SGCD: variants seen among roughly 807,000 people sequenced by gnomAD.
SGCD encodes the protein delta-sarcoglycan.
A neutral mutation model predicts 36.6 loss-of-function variants in SGCD; 18 were observed. That is an observed-to-expected ratio of 0.49 (90% CI 0.34 to 0.73). SGCD has a LOEUF of 0.73. SGCD is among the 30% of genes least tolerant of loss of function. The pLI is 0.01. For missense variants in SGCD, 387 were observed against 346.7 expected (o/e 1.12, Z -0.92); for synonymous variants, 133 against 130.6 (o/e 1.02, Z -0.12).
chr5:155,992,014 C>T (rs1046777456), intron 1 of SGCD, among the ~76,000 whole-genome samples: 6 of 152,162 alleles, frequency 3.9e-5, no homozygotes, highest in Non-Finnish European at 4.4e-5. Flanking sequence ...CACTTTTCTT[C>T]CTCCCTTATG....
chr5:156,717,283 A>G (rs989335603), intron 7 of SGCD, among the ~76,000 whole-genome samples: 1 of 152,166 alleles, frequency 6.6e-6, no homozygotes, highest in African/African-American at 2.4e-5. Context: ...CTTGGAGATA[A>G]GATCTAGCTT....
chr5:155,766,389 G>T, the SGCD span, among the ~76,000 whole-genome samples: 1 of 152,126 alleles, frequency 6.6e-6, no homozygotes, highest in African/African-American at 2.4e-5. Flanking sequence ...GTAGCTGGGG[G>T]TGTGTTGGAG....
chr5:156,365,917 TAC>T (rs1770076149), intron 3 of SGCD, among the ~76,000 whole-genome samples: 1 of 146,382 alleles, frequency 6.8e-6, no homozygotes, highest in Non-Finnish European at 1.5e-5. Context: ...TACACATATA[TAC>T]ATGTAAATGT....
chr5:156,063,368 G>C (rs1760281552), intron 1 of SGCD, among the ~76,000 whole-genome samples: 1 of 35,982 alleles, frequency 2.8e-5, no homozygotes, highest in African/African-American at 1.9e-4. Context: ...CAGGTAGTGT[G>C]ATGCCTCCAG....
intron 1 of SGCD, among the ~76,000 whole-genome samples, chr5:156,039,799 C>T (rs1033720809): frequency 7.2e-5 from 11 of 152,060 alleles, no homozygotes; most frequent in Non-Finnish European, 1.5e-4. Context: ...AGTAACATAT[C>T]GTGGGAGATG....
chr5:156,455,728 T>G (rs1266017395), intron 3 of SGCD, among the ~76,000 whole-genome samples: 1 of 152,326 alleles, frequency 6.6e-6, no homozygotes, highest in South Asian at 2.1e-4. Context: ...TTTTAAAAAA[T>G]GTATCAAAGT....
chr5:156,699,356 C>T (rs1561863955), intron 7 of SGCD, among the ~76,000 whole-genome samples: 1 of 152,158 alleles, frequency 6.6e-6, no homozygotes, highest in Non-Finnish European at 1.5e-5. Flanking sequence ...AGTACCACCA[C>T]TGCTAGTGAA....
intron 3 of SGCD, among the ~76,000 whole-genome samples, chr5:156,288,186 C>G (rs541593668): frequency 1.9e-4 from 29 of 152,188 alleles, no homozygotes; most frequent in African/African-American, 7.0e-4. Context: ...GTAGAACTCT[C>G]GGGAGCTTTG....
chr5:156,028,882 T>TA (rs1414052595), intron 1 of SGCD, among the ~76,000 whole-genome samples: 1 of 152,194 alleles, frequency 6.6e-6, no homozygotes, highest in Non-Finnish European at 1.5e-5. Context: ...AATGTTAATA[T>TA]TACTAATTAA....
At chr5:156,615,119 A>G (rs958695339) in intron 6 of SGCD, among the ~76,000 whole-genome samples, 17 of 152,236 alleles carry the variant, frequency 1.1e-4, no homozygotes, top group African/African-American at 3.9e-4. Flanking sequence ...AAGATTAGAC[A>G]GGAATGGCCT....
chr5:156,672,524 A>T (rs1447305886), intron 7 of SGCD, among the ~76,000 whole-genome samples: 2 of 152,086 alleles, frequency 1.3e-5, no homozygotes, highest in Non-Finnish European at 2.9e-5. Context: ...GAATCAACCC[A>T]CAGCTCTGTC....
At chr5:156,136,067 C>A (rs1475531548) in intron 3 of SGCD, among the ~76,000 whole-genome samples, 1 of 152,180 alleles carries the variant, frequency 6.6e-6, no homozygotes, top group Non-Finnish European at 1.5e-5. Flanking sequence ...TACTACCTTT[C>A]TGACATTTTT....
intron 3 of SGCD, among the ~76,000 whole-genome samples, chr5:156,429,445 T>G (rs1561690024): frequency 6.6e-6 from 1 of 152,060 alleles, no homozygotes; most frequent in Non-Finnish European, 1.5e-5. Flanking sequence ...GATATTTGGT[T>G]GGTGAATTTT....
intron 7 of SGCD, among the ~76,000 whole-genome samples, chr5:156,683,757 T>G (rs866103393): frequency 6.6e-6 from 1 of 152,328 alleles, no homozygotes; most frequent in South Asian, 2.1e-4. Context: ...TCTCCTTAAC[T>G]CTTGGATGCT....
At chr5:156,145,085 C>T (rs1762678936) in intron 3 of SGCD, among the ~76,000 whole-genome samples, 1 of 151,988 alleles carries the variant, frequency 6.6e-6, no homozygotes, top group African/African-American at 2.4e-5. Context: ...AATTATAATC[C>T]CCAGTGTTGG....
chr5:156,734,551 C>T (rs1336891878), intron 7 of SGCD, among the ~76,000 whole-genome samples: 3 of 152,138 alleles, frequency 2.0e-5, no homozygotes, highest in Admixed American at 6.5e-5. Flanking sequence ...TACATTATCC[C>T]ATATTTCTCA....
intron 2 of SGCD, chr5:156,118,088 C>T (rs939059543): frequency 2.0e-5 from 3 of 152,122 alleles, no homozygotes; most frequent in South Asian, 2.1e-4. Flanking sequence ...AGTATGTGGT[C>T]CAATTCTTCC....
rs112216195 is a variant in SGCD at position 156,569,726 on chromosome 5, A to G, written c.295-19505A>G. On this transcript the variant is annotated intron_variant, in intron 4 of 8. Transcript: ENST00000337851. ...AGTAAAGAGGCTACTGTGTTAGGCAAGGAGGTCAAGGCAACCAGGTGGATA... is the reference window on the plus strand; with the variant it reads ...AGTAAAGAGGCTACTGTGTTAGGCAGGGAGGTCAAGGCAACCAGGTGGATA... Among the ~76,000 whole-genome samples, 1,387 of 152,258 alleles carry G rather than the reference A, an allele frequency of 9.1e-3. 10 individuals are homozygous for G. Among genetic ancestry groups the G allele is most frequent in the African/African-American group, 0.032 (1,314 of 41,544 alleles).
the SGCD span, among the ~76,000 whole-genome samples, chr5:155,807,350 G>A: frequency 1.3e-5 from 2 of 152,216 alleles, no homozygotes; most frequent in East Asian, 3.9e-4. Flanking sequence ...AATAAGTGAG[G>A]AAGCTCCTTG....
Sources: gnomAD v4.1 joint callset for allele counts (sites outside exome capture counted in the v4.1 genomes callset) on GRCh38, gnomAD v4.1.1 for gene constraint, MANE v1.5 for transcripts, NCBI Gene and HGNC (gene_info 2026-07-23, HGNC 2026-07-21) for gene names.